TRA2B: variants seen among roughly 807,000 people sequenced by gnomAD.
The protein encoded by TRA2B is transformer 2 beta homolog.
TRA2B carries 14 observed loss-of-function variants against 41.7 expected under a neutral mutation model. The ratio of observed to expected loss-of-function variants is 0.34; its 90% CI spans 0.22 to 0.53. TRA2B has a LOEUF of 0.53. Ranked by LOEUF, TRA2B falls within the 20% of genes least tolerant of loss-of-function variation. TRA2B has a pLI of 0.95. For synonymous variants in TRA2B, 130 were observed against 128.8 expected (o/e 1.01, Z -0.06); for missense variants, 167 against 396.8 (o/e 0.42, Z 4.92).
rs756137663 is a variant in TRA2B, at chr3:185,917,672, CAA to C, written c.*41_*42del. The C allele has an allele frequency of 2.0e-4, 322 of 1,608,286 alleles. No homozygotes were observed. Among genetic ancestry groups the C allele is most frequent in the Non-Finnish European group, 2.4e-4 (279 of 1,176,514 alleles). On this transcript the variant is annotated 3_prime_UTR_variant, in exon 9 of 9. Transcript: ENST00000453386. ...GACAATAAAAAATATTGCCCACAAA[CAA>C]TATCCCAGCTCTAGGGCAGGTTTCA...
In TRA2B at chr3:185,937,931, A is replaced by G; in HGVS notation, c.-71T>C. ...CCAACCTCTTGCACCTTCCTTAAGGAGGCTCCGCCGCAGCCCCGCACGACG... is the reference window on the plus strand; with the variant it reads ...CCAACCTCTTGCACCTTCCTTAAGGGGGCTCCGCCGCAGCCCCGCACGACG... On this transcript the variant is annotated 5_prime_UTR_variant, in exon 1 of 9. Transcript: ENST00000453386. 6.3e-7 allele frequency: 1 copy of G among 1,590,964 alleles called. No individual in the cohort carries two copies.
chr3:185,924,094 A>G (rs1743844480), intron 3 of TRA2B, 110 bp from the exon 4 acceptor site: 2 of 929,774 alleles, frequency 2.2e-6, no homozygotes, highest in Non-Finnish European at 3.1e-6. Flanking sequence ...AAAGTACATA[A>G]TGATTAGACC....
chr3:185,921,965 A>G (rs767246201), intron 5 of TRA2B, 46 bp downstream of exon 5: 2 of 1,438,254 alleles, frequency 1.4e-6, no homozygotes, highest in Non-Finnish European at 1.9e-6. Context: ...TGTTTCTTTG[A>G]CAAGTGAAAA....
At position 185,937,979 on chromosome 3, in the gene TRA2B, A is replaced by C; in HGVS notation, c.-119T>G. The C allele has an allele frequency of 1.1e-5, 14 of 1,242,216 alleles. No homozygotes were observed. Among genetic ancestry groups the C allele is most frequent in the Non-Finnish European group, 1.5e-5 (13 of 872,170 alleles). The allele number at this position is 1,242,216 out of a possible 1,614,324, so 76.9% of individuals were successfully genotyped here. ...ACGCGCCGGTCGCCCAGCCGCTCAG[A>C]GCCGAAATGCTCCGCACCGCCTCCG... On this transcript the variant is annotated 5_prime_UTR_variant, in exon 1 of 9. Coordinates refer to ENST00000453386, the MANE Select transcript of TRA2B (RefSeq NM_004593.3).
intron 1 of TRA2B, chr3:185,929,142 T>C (rs1241766733): frequency 1.3e-5 from 2 of 152,218 alleles, no homozygotes; most frequent in Non-Finnish European, 2.9e-5. Flanking sequence ...TGACACTTGT[T>C]TGGGTAACAC....
intron 7 of TRA2B, among the ~76,000 whole-genome samples, chr3:185,918,907 G>C (rs562743646): frequency 9.2e-5 from 14 of 152,152 alleles, no homozygotes; most frequent in African/African-American, 3.4e-4. Flanking sequence ...TCGGGATGCA[G>C]AGACTGCAGT....
chr3:185,935,687 G>A (rs894662607), intron 1 of TRA2B: 1 of 985,308 alleles, frequency 1.0e-6, no homozygotes, highest in African/African-American at 1.7e-5. Flanking sequence ...TTACACCACA[G>A]GCATGTCTAA....
intron 1 of TRA2B, chr3:185,935,976 T>C (rs1277779546): frequency 1.5e-5 from 15 of 985,350 alleles, no homozygotes; most frequent in African/African-American, 1.7e-5. Flanking sequence ...AGTGTACTTT[T>C]ACTAGTAAAA....
chr3:185,937,015 T>C (rs1436689636), intron 1 of TRA2B: 2 of 985,298 alleles, frequency 2.0e-6, no homozygotes, highest in African/African-American at 1.7e-5. Context: ...CCGTAAATGG[T>C]TGCCCGCCAA....
chr3:185,926,566 G>A (rs1254262987), intron 2 of TRA2B, 35 bp downstream of exon 2: 1 of 1,611,550 alleles, frequency 6.2e-7, no homozygotes. Flanking sequence ...TCAGAGCTAA[G>A]AGTAACGAGG....
In TRA2B at chr3:185,916,743, A is replaced by C. The variant is rs549688631; in HGVS notation, c.*972T>G. The C allele has an allele frequency of 3.9e-5, 6 of 152,492 alleles. No homozygotes were observed. The highest frequency in any genetic ancestry group is 8.8e-5 in the Non-Finnish European group (6 of 68,022). The allele number at this position is 152,492 out of a possible 1,614,324, so 9.4% of individuals were successfully genotyped here. A position where few individuals can be genotyped will look rare whatever the true frequency, so the allele number is the denominator to read the frequency against. On this transcript the variant is annotated 3_prime_UTR_variant, in exon 9 of 9. Coordinates refer to ENST00000453386, the MANE Select transcript of TRA2B (RefSeq NM_004593.3). The stretch of plus-strand genomic sequence containing the variant: ...CTTCTTTGTGAACAGCTGCACCAAC[A>C]TTTTTCTTTTCATTTGCGTTTATTT...
At chr3:185,932,460 A>G (rs1744186074) in intron 1 of TRA2B, among the ~76,000 whole-genome samples, 1 of 152,220 alleles carries the variant, frequency 6.6e-6, no homozygotes, top group South Asian at 2.1e-4. Flanking sequence ...GTGAGATTTT[A>G]TAGTATGAAT....
In TRA2B at chr3:185,936,673, ATTG is replaced by A. The variant is rs779372989; in HGVS notation, c.36+1149_36+1151del. ...CAACAAGGGGAAACTTAGGTAACAA[ATTG>A]TTTTTTTTTTTTAAAAAAGCACAAA... On this transcript the variant is annotated intron_variant, in intron 1 of 8. Transcript: ENST00000453386. The A allele has an allele frequency of 1.2e-3, 1,188 of 965,110 alleles. 10 individuals are homozygous for A. In the African/African-American group the frequency reaches 0.021, roughly 17 times the overall value. The allele number at this position is 965,110 out of a possible 1,614,324, so 59.8% of individuals were successfully genotyped here. A position where few individuals can be genotyped will look rare whatever the true frequency, so the allele number is the denominator to read the frequency against.
intron 8 of TRA2B, 100 bp downstream of exon 8, chr3:185,918,264 GA>G (rs1328116869): frequency 5.9e-6 from 5 of 851,604 alleles, no homozygotes; most frequent in South Asian, 1.9e-5. Flanking sequence ...CATTAGGTAT[GA>G]AACTACCTGA....
In TRA2B at chr3:185,919,429, T is replaced by A. The variant is rs1055293873; in HGVS notation, c.782+8A>T. The A allele has an allele frequency of 1.2e-6, 2 of 1,612,200 alleles. No individual in the cohort carries two copies. Among genetic ancestry groups the A allele is most frequent in the African/African-American group, 2.7e-5 (2 of 74,886 alleles). ...GTTGTACAGATGCTAAGTCCTCTCC[T>A]GGCATACCTATAAATCTGATCCCTG... On this transcript the variant is annotated splice_region_variant and intron_variant, in intron 7 of 8. Coordinates refer to ENST00000453386, the MANE Select transcript of TRA2B (RefSeq NM_004593.3).
At chr3:185,921,666 A>G (rs1268271556) in intron 5 of TRA2B, among the ~76,000 whole-genome samples, 1 of 152,188 alleles carries the variant, frequency 6.6e-6, no homozygotes, top group Non-Finnish European at 1.5e-5. Context: ...CGGGAGGCTG[A>G]GGCAGGAGAA....
intron 6 of TRA2B, among the ~76,000 whole-genome samples, chr3:185,920,363 TC>T (rs1743671535): frequency 6.6e-6 from 1 of 152,294 alleles, no homozygotes; most frequent in South Asian, 2.1e-4. Context: ...TATAATTTTT[TC>T]TTTTAAGGTG....
At chr3:185,924,513 G>GT (rs1273141356) in intron 3 of TRA2B, 1 of 152,688 alleles carries the variant, frequency 6.5e-6, no homozygotes, top group African/African-American at 2.4e-5. Flanking sequence ...GCTTGCAATC[G>GT]TAAGAAACAA....
At chr3:185,919,540 G>C (rs1230779700) in intron 6 of TRA2B, 44 bp from the exon 7 acceptor site, 1 of 1,534,128 alleles carries the variant, frequency 6.5e-7, no homozygotes, top group Non-Finnish European at 8.9e-7. Context: ...CAGTTTGTAA[G>C]TTTTAAAAAA....
Sources: gnomAD v4.1 joint callset for allele counts (sites outside exome capture counted in the v4.1 genomes callset) on GRCh38, gnomAD v4.1.1 for gene constraint, MANE v1.5 for transcripts, NCBI Gene and HGNC (gene_info 2026-07-23, HGNC 2026-07-21) for gene names.